DPY19L1: variants seen among roughly 807,000 people sequenced by gnomAD.
The protein encoded by DPY19L1 is dpy-19 like C-mannosyltransferase 1, also known as protein C-mannosyl-transferase DPY19L1.
A neutral mutation model predicts 96.9 loss-of-function variants in DPY19L1; 35 were observed. That is an observed-to-expected ratio of 0.36 (90% CI 0.28 to 0.48). DPY19L1 has a LOEUF of 0.48. DPY19L1 is among the 20% of genes least tolerant of loss of function. The pLI is 0.99. For synonymous variants in DPY19L1, 205 were observed against 252.6 expected (o/e 0.81, Z 1.79); for missense variants, 521 against 777.9 (o/e 0.67, Z 3.93).
chr7:34,953,891 G>A (rs1353597262), intron 13 of DPY19L1, among the ~76,000 whole-genome samples: 1 of 152,230 alleles, frequency 6.6e-6, no homozygotes, highest in Admixed American at 6.5e-5. Context: ...CTGGGTAAAA[G>A]AGAGGCTAGG....
At chr7:34,970,275 A>G (rs1396479616) in intron 8 of DPY19L1, among the ~76,000 whole-genome samples, 2 of 152,194 alleles carry the variant, frequency 1.3e-5, no homozygotes, top group Non-Finnish European at 2.9e-5. Context: ...TACCTGGAGC[A>G]TAGAGCACCA....
intron 10 of DPY19L1, among the ~76,000 whole-genome samples, chr7:34,960,941 T>C (rs1784488119): frequency 6.6e-6 from 1 of 152,192 alleles, no homozygotes; most frequent in East Asian, 1.9e-4. Flanking sequence ...ATTCCTGGAA[T>C]GAGGCACTTA....
chr7:35,021,261 G>A (rs562122947), intron 1 of DPY19L1, among the ~76,000 whole-genome samples: 1 of 152,248 alleles, frequency 6.6e-6, no homozygotes, highest in South Asian at 2.1e-4. Context: ...GTTGGCCTTT[G>A]ACCTTCACAA....
At chr7:34,934,727 A>G (rs528504531) in intron 21 of DPY19L1, among the ~76,000 whole-genome samples, 171 of 152,294 alleles carry the variant, frequency 1.1e-3, no homozygotes, top group African/African-American at 3.9e-3. Flanking sequence ...CCGCATGTGC[A>G]GTTCACAATA....
chr7:34,997,835 A>G lies in DPY19L1; in HGVS notation c.765-7894T>C, dbSNP rs143038008. 1.7e-3 allele frequency among the ~76,000 whole-genome samples: 252 copies of G among 152,300 alleles called. 2 individuals carry two copies. The highest frequency in any genetic ancestry group is 5.9e-3 in the African/African-American group (245 of 41,556). ...CTTAAAACAGGTAGAGGGCAGTGGA[A>G]GAGTGGAAAACTAATACAAAACACT... On this transcript the variant is annotated intron_variant, in intron 6 of 21. Coordinates refer to ENST00000638088, the MANE Select transcript of DPY19L1 (RefSeq NM_001366673.1).
At chr7:35,002,161 C>CA (rs1019458601) in intron 6 of DPY19L1, among the ~76,000 whole-genome samples, 5 of 139,232 alleles carry the variant, frequency 3.6e-5, no homozygotes, top group Middle Eastern at 3.4e-3. Flanking sequence ...AAAACAACAA[C>CA]AAAAAAAACC....
intron 19 of DPY19L1, 37 bp from the exon 20 acceptor site, chr7:34,939,412 G>A (rs375395787): frequency 1.9e-6 from 3 of 1,570,312 alleles, no homozygotes; most frequent in Non-Finnish European, 2.6e-6. Context: ...AAGACACTCA[G>A]TGAAGGCGAG....
chr7:35,000,192 G>A (rs879127896), intron 6 of DPY19L1, among the ~76,000 whole-genome samples: 1 of 152,004 alleles, frequency 6.6e-6, no homozygotes, highest in African/African-American at 2.4e-5. Flanking sequence ...TACTTCTAAG[G>A]AACAAATCAT....
chr7:34,947,598 T>G, intron 15 of DPY19L1, 32 bp downstream of exon 15: 1 of 1,563,844 alleles, frequency 6.4e-7, no homozygotes. Context: ...AATATTCTAT[T>G]ATAAGAAAGA....
intron 21 of DPY19L1, among the ~76,000 whole-genome samples, chr7:34,934,702 C>T (rs983524063): frequency 3.9e-5 from 6 of 152,268 alleles, no homozygotes; most frequent in African/African-American, 9.6e-5. Flanking sequence ...ATAAGGAGCA[C>T]GTACCCTAGA....
intron 6 of DPY19L1, among the ~76,000 whole-genome samples, chr7:34,991,185 A>C (rs1785160088): frequency 6.6e-6 from 1 of 152,230 alleles, no homozygotes; most frequent in Non-Finnish European, 1.5e-5. Flanking sequence ...ACGTTTGAGG[A>C]AAGACAGAAA....
chr7:35,021,300 G>C (rs542097060), intron 1 of DPY19L1, among the ~76,000 whole-genome samples: 1 of 152,244 alleles, frequency 6.6e-6, no homozygotes, highest in African/African-American at 2.4e-5. Flanking sequence ...GATTTATCAA[G>C]GTCATCATCC....
intron 6 of DPY19L1, among the ~76,000 whole-genome samples, chr7:35,009,551 ATACTTC>A (rs1292547080): frequency 6.6e-6 from 1 of 152,236 alleles, no homozygotes; most frequent in Non-Finnish European, 1.5e-5. Context: ...TACATAGAAG[ATACTTC>A]TACTTTAACA....
At chr7:35,003,767 C>T (rs887376415) in intron 6 of DPY19L1, among the ~76,000 whole-genome samples, 5 of 152,216 alleles carry the variant, frequency 3.3e-5, no homozygotes, top group Non-Finnish European at 7.3e-5. Context: ...CAAGGCTTTG[C>T]CTGACAGGCC....
intron 6 of DPY19L1, among the ~76,000 whole-genome samples, chr7:34,996,416 T>C (rs377685943): frequency 1.3e-5 from 2 of 152,212 alleles, no homozygotes; most frequent in Admixed American, 6.5e-5. Flanking sequence ...CAACTACCTA[T>C]CCAACAACTG....
intron 6 of DPY19L1, among the ~76,000 whole-genome samples, chr7:34,996,485 C>CA (rs1412181472): frequency 1.3e-5 from 2 of 152,168 alleles, no homozygotes; most frequent in African/African-American, 4.8e-5. Flanking sequence ...CTCCTCTGAA[C>CA]AAATGCTTCC....
intron 16 of DPY19L1, among the ~76,000 whole-genome samples, chr7:34,944,149 G>C (rs923786570): frequency 7.2e-5 from 11 of 152,048 alleles, no homozygotes; most frequent in Non-Finnish European, 1.5e-4. Flanking sequence ...CAGATCACGA[G>C]TTCATGAGTT....
chr7:34,983,423 C>G (rs184523806), intron 7 of DPY19L1, among the ~76,000 whole-genome samples: 1 of 150,574 alleles, frequency 6.6e-6, no homozygotes, highest in South Asian at 2.1e-4. Flanking sequence ...GATGAAGAGG[C>G]AGGAAATTTC....
At chr7:35,008,265 G>T (rs1303555907) in intron 6 of DPY19L1, among the ~76,000 whole-genome samples, 1 of 152,098 alleles carries the variant, frequency 6.6e-6, no homozygotes, top group African/African-American at 2.4e-5. Context: ...TGCTCTCAGA[G>T]CCCAGAGTTT....
Sources: gnomAD v4.1 joint callset for allele counts (sites outside exome capture counted in the v4.1 genomes callset) on GRCh38, gnomAD v4.1.1 for gene constraint, MANE v1.5 for transcripts, NCBI Gene and HGNC (gene_info 2026-07-23, HGNC 2026-07-21) for gene names.